The following WDR35 variants were observed in gnomAD, a reference collection of about 807,000 sequenced individuals.
The protein encoded by WDR35 is WD repeat-containing protein 35.
A neutral mutation model predicts 158.3 loss-of-function variants in WDR35; 118 were observed. The ratio of observed to expected loss-of-function variants is 0.75; its 90% CI spans 0.64 to 0.87. The LOEUF (loss-of-function observed/expected upper bound fraction) is 0.87, where lower values mean the gene tolerates loss of function less well. Among genes scored for constraint, WDR35 ranks in the 40% least tolerant of loss-of-function variants. WDR35 has a pLI of 0.00. For synonymous variants in WDR35, 448 were observed against 476.1 expected (o/e 0.94, Z 0.77); for missense variants, 1,263 against 1,405.8 (o/e 0.90, Z 1.62).
Position 19,932,341 on chromosome 2 carries a change from G to GC in WDR35, c.2764dup (p.Ala922GlyfsTer13). 1.2e-6 allele frequency: 2 copies of GC among 1,613,212 alleles called. No individual in the cohort carries two copies. The highest frequency in any genetic ancestry group is 1.7e-6 in the Non-Finnish European group (2 of 1,179,534). ...ATTGGCTTTCCGATAGAGTTCTATG[G>GC]CATCAAGAGTTTTATTCTTTTCCAG... On this transcript the variant is annotated frameshift_variant, in exon 23 of 27. Coordinates refer to ENST00000281405, the MANE Select transcript of WDR35 (RefSeq NM_020779.4). LOFTEE classifies it high-confidence loss of function.
At position 19,974,580 on chromosome 2, in the gene WDR35, A is replaced by G; in HGVS notation, c.624T>C (p.Ala208=). The G allele has an allele frequency of 6.2e-7, 1 of 1,613,706 alleles. No individual in the cohort carries two copies. Among genetic ancestry groups the G allele is most frequent in the Non-Finnish European group, 8.5e-7 (1 of 1,179,844 alleles). The change falls in exon 7 of 27, where the codon GCT becomes GCC. Residue 208 remains alanine, a synonymous_variant. Transcript: ENST00000281405. The part of the protein sequence containing the change: ...LVNVTGAISI[A]GIHWYHGTEG... ...CTGTGCCATGGTACCAATGAATTCCAGCAATGCTGATAGCTCCAGTGACAT... is the reference window on the plus strand; with the variant it reads ...CTGTGCCATGGTACCAATGAATTCCGGCAATGCTGATAGCTCCAGTGACAT...
intron 5 of WDR35, among the ~76,000 whole-genome samples, chr2:19,977,742 T>C (rs984705994): frequency 1.3e-5 from 2 of 152,230 alleles, no homozygotes; most frequent in African/African-American, 4.8e-5. Context: ...ATATAACTTA[T>C]GATCTGCATG....
chr2:19,948,032 G>T (rs1671111192), intron 14 of WDR35, 132 bp downstream of exon 14: 2 of 675,842 alleles, frequency 3.0e-6, no homozygotes, highest in East Asian at 5.8e-5. Context: ...CCATTTCCTG[G>T]CCTCAAGCAA....
intron 25 of WDR35, among the ~76,000 whole-genome samples, chr2:19,929,062 C>T (rs963112802): frequency 6.6e-6 from 1 of 152,196 alleles, no homozygotes; most frequent in Non-Finnish European, 1.5e-5. Context: ...CCGCCTCAGC[C>T]TCCCAAAGTG....
chr2:19,963,997 G>C (rs1209195972), intron 10 of WDR35, among the ~76,000 whole-genome samples: 2 of 152,114 alleles, frequency 1.3e-5, no homozygotes, highest in Non-Finnish European at 2.9e-5. Context: ...GCCCACCTTG[G>C]CCTCCCAAAG....
At position 19,936,215 on chromosome 2, in the gene WDR35, A is replaced by G. The variant is rs1670688682; in HGVS notation, c.2414+4T>C. 6.2e-7 allele frequency: 1 copy of G among 1,613,864 alleles called. No individual in the cohort carries two copies. The highest frequency in any genetic ancestry group is 8.5e-7 in the Non-Finnish European group (1 of 1,179,846). On this transcript the variant is annotated splice_donor_region_variant and intron_variant, in intron 20 of 26. Coordinates refer to ENST00000281405, the MANE Select transcript of WDR35 (RefSeq NM_020779.4). Reference sequence around the variant, plus strand: ...GCTTGAGGAGCTCCAGGTAAGTTACATACCACTTTTGTCGATCAGCAAAGT... The same window carrying G: ...GCTTGAGGAGCTCCAGGTAAGTTACGTACCACTTTTGTCGATCAGCAAAGT...
intron 19 of WDR35, among the ~76,000 whole-genome samples, chr2:19,936,814 A>G (rs576573190): frequency 2.0e-5 from 3 of 152,304 alleles, no homozygotes; most frequent in African/African-American, 7.2e-5. Context: ...TAGACTTCCT[A>G]GTCTCCAGAA....
rs1180620404 is a variant in WDR35 at position 19,982,538 on chromosome 2, A to G, written c.143-4T>C. On this transcript the variant is annotated splice_region_variant and splice_polypyrimidine_tract_variant and intron_variant, in intron 2 of 26. Coordinates refer to ENST00000281405, the MANE Select transcript of WDR35 (RefSeq NM_020779.4). ...AGGCCCCTCAATTTTGCATCATCTA[A>G]AACAAAACAAAACAAACTACTATGA... 9 of 1,612,710 alleles carry G rather than the reference A, an allele frequency of 5.6e-6. No homozygotes were observed. The Admixed American group carries it at 1.2e-4, about 21-fold the overall frequency.
chr2:19,980,934 G>T, intron 3 of WDR35, 151 bp from the exon 4 acceptor site: 1 of 687,346 alleles, frequency 1.5e-6, no homozygotes, highest in Non-Finnish European at 2.5e-6. Flanking sequence ...TTCATAAGAT[G>T]CAGTTATTGA....
intron 25 of WDR35, among the ~76,000 whole-genome samples, chr2:19,923,627 G>C (rs557845621): frequency 3.5e-4 from 54 of 152,234 alleles, no homozygotes; most frequent in African/African-American, 9.6e-4. Flanking sequence ...TTCTTTTCCA[G>C]AGGACACTGG....
intron 5 of WDR35, among the ~76,000 whole-genome samples, chr2:19,977,371 C>G (rs745532162): frequency 1.3e-5 from 2 of 152,192 alleles, no homozygotes; most frequent in Non-Finnish European, 2.9e-5. Flanking sequence ...TCTTTCTCCA[C>G]ACTATTTTAA....
chr2:19,987,802 C>A (rs1476147044), intron 2 of WDR35, among the ~76,000 whole-genome samples: 3 of 104,952 alleles, frequency 2.9e-5, no homozygotes, highest in Admixed American at 1.4e-4. Context: ...CCAGCCTGGG[C>A]AACAGAGCGA....
intron 4 of WDR35, among the ~76,000 whole-genome samples, chr2:19,980,199 A>G (rs1412727979): frequency 2.0e-5 from 3 of 152,200 alleles, no homozygotes; most frequent in African/African-American, 4.8e-5. Flanking sequence ...TTATTCATTC[A>G]TTCAACAAAT....
chr2:19,930,692 A>T, intron 24 of WDR35, 140 bp from the exon 25 acceptor site: 1 of 1,265,360 alleles, frequency 7.9e-7, no homozygotes, highest in Non-Finnish European at 1.1e-6. Flanking sequence ...TTTTTTTTTA[A>T]GAGATGAGGT....
At chr2:19,942,421 T>C (rs1011816179) in intron 16 of WDR35, among the ~76,000 whole-genome samples, 1 of 152,162 alleles carries the variant, frequency 6.6e-6, no homozygotes, top group Admixed American at 6.6e-5. Flanking sequence ...AATATGTAAG[T>C]GCATGAGACT....
chr2:19,975,436 C>A lies in WDR35; in HGVS notation c.570+94G>T. ...AATTGAAGACTTTAATTACACAAAC[C>A]GCCATAAAAAATAAATGTATATACA... On this transcript the variant is annotated intron_variant, in intron 6 of 26. Transcript: ENST00000281405. The A allele has an allele frequency of 4.6e-6, 6 of 1,306,476 alleles. No individual in the cohort carries two copies. The South Asian group carries it at 5.1e-5, about 11-fold the overall frequency. 80.9% of individuals were successfully genotyped at this position (1,306,476 alleles called of 1,614,324 possible).
intron 25 of WDR35, among the ~76,000 whole-genome samples, chr2:19,930,072 T>A (rs990799325): frequency 1.7e-4 from 25 of 149,706 alleles, no homozygotes; most frequent in African/African-American, 6.1e-4. Context: ...GTATTAAATA[T>A]ATTTAATAGA....
intron 8 of WDR35, among the ~76,000 whole-genome samples, chr2:19,972,672 A>G: frequency 6.6e-6 from 1 of 152,124 alleles, no homozygotes; most frequent in East Asian, 1.9e-4. Flanking sequence ...TACTGATTCA[A>G]AAGCATCAGA....
intron 25 of WDR35, among the ~76,000 whole-genome samples, chr2:19,918,439 C>T (rs1311147517): frequency 3.3e-5 from 5 of 152,168 alleles, no homozygotes; most frequent in Non-Finnish European, 7.3e-5. Flanking sequence ...TTAAAAGACA[C>T]AGACTGGCAA....
Sources: allele counts gnomAD v4.1 joint callset (sites outside exome capture counted in the v4.1 genomes callset), GRCh38; gene constraint gnomAD v4.1.1; transcripts MANE v1.5; gene names NCBI Gene and HGNC (gene_info 2026-07-23, HGNC 2026-07-21).